AUTS2: variants seen among roughly 807,000 people sequenced by gnomAD.
The protein encoded by AUTS2 is autism susceptibility gene 2 protein.
A neutral mutation model predicts 112.4 loss-of-function variants in AUTS2; 17 were observed. The observed-to-expected ratio is 0.15, with a 90% confidence interval of 0.10 to 0.23. AUTS2 has a LOEUF of 0.23. Among genes scored for constraint, AUTS2 ranks in the 10% least tolerant of loss-of-function variants. The pLI is 1.00. For synonymous variants in AUTS2, 751 were observed against 702.7 expected (o/e 1.07, Z -1.09); for missense variants, 1,510 against 1,701.6 (o/e 0.89, Z 1.98).
intron 1 of AUTS2, among the ~76,000 whole-genome samples, chr7:69,613,608 A>C (rs1420126547): frequency 6.6e-6 from 1 of 152,224 alleles, no homozygotes; most frequent in African/African-American, 2.4e-5. Context: ...TCTCTGGAAC[A>C]CAAATGTAAA....
chr7:70,551,784 TA>T (rs1234022746), intron 5 of AUTS2, among the ~76,000 whole-genome samples: 5 of 152,318 alleles, frequency 3.3e-5, no homozygotes, highest in African/African-American at 9.6e-5. Flanking sequence ...GATTTAGTAA[TA>T]GGGGACACTG....
intron 4 of AUTS2, among the ~76,000 whole-genome samples, chr7:70,262,869 G>T (rs1322185039): frequency 6.6e-6 from 1 of 152,112 alleles, no homozygotes; most frequent in African/African-American, 2.4e-5. Flanking sequence ...GTCACCAAGG[G>T]CCTGGATATG....
Position 70,766,181 on chromosome 7 carries a change from T to C in AUTS2, c.1536T>C (p.Ala512=), listed in dbSNP as rs1789928184. Residue 512 remains alanine (A), a synonymous_variant, in exon 9 of 19, where the codon GCT becomes GCC. Transcript: ENST00000342771. The surrounding 1 kb of genome is among the most constrained non-coding windows in gnomAD (Gnocchi z 4.8). ...CCTCTCAGAGTGCTGACCGCGGGGC[T>C]TCCCTGGGCCCTCCGCCCTACCTGC... is the stretch of plus-strand genomic sequence containing the variant. ...FLASQSADRG[A]SLGPPPYLRT... 6.2e-7 allele frequency: 1 copy of C among 1,614,160 alleles called. No homozygotes were observed. The highest frequency in any genetic ancestry group is 1.1e-5 in the South Asian group (1 of 91,080).
intron 5 of AUTS2, among the ~76,000 whole-genome samples, chr7:70,484,870 CAT>C (rs1429119488): frequency 6.6e-5 from 10 of 152,208 alleles, no homozygotes; most frequent in African/African-American, 1.7e-4. Context: ...AGCCAATAAA[CAT>C]ATGAAAAAAT....
At chr7:70,473,034 T>G (rs567156434) in intron 5 of AUTS2, among the ~76,000 whole-genome samples, 19 of 152,198 alleles carry the variant, frequency 1.2e-4, no homozygotes, top group Non-Finnish European at 2.4e-4. Flanking sequence ...AGTCTGATCT[T>G]TCATTTTCCC....
At chr7:70,777,356 TCTCA>T (rs1262397918) in intron 14 of AUTS2, 182 bp downstream of exon 14, 11 of 622,806 alleles carry the variant, frequency 1.8e-5, no homozygotes, top group Non-Finnish European at 2.0e-5. Flanking sequence ...AGAGTCAGGG[TCTCA>T]CTCTGTTGCC....
At chr7:69,906,800 C>A (rs1389314966) in intron 2 of AUTS2, among the ~76,000 whole-genome samples, 1 of 152,106 alleles carries the variant, frequency 6.6e-6, no homozygotes, top group Non-Finnish European at 1.5e-5. Context: ...ACACCTTGCC[C>A]AAAGGGTCAA....
At chr7:70,029,190 T>A (rs1265965766) in intron 2 of AUTS2, among the ~76,000 whole-genome samples, 1 of 152,056 alleles carries the variant, frequency 6.6e-6, no homozygotes, top group Admixed American at 6.6e-5. Context: ...TGGGTTGTTT[T>A]AAGAGTTAAA....
intron 1 of AUTS2, among the ~76,000 whole-genome samples, chr7:69,636,711 C>CT (rs1405991906): frequency 1.3e-5 from 2 of 151,798 alleles, no homozygotes; most frequent in East Asian, 3.9e-4. Context: ...TTGTAGTATG[C>CT]TTTTTTTTCC....
At chr7:70,082,058 G>A (rs1343257640) in intron 2 of AUTS2, among the ~76,000 whole-genome samples, 1 of 151,796 alleles carries the variant, frequency 6.6e-6, no homozygotes, top group East Asian at 1.9e-4. Flanking sequence ...CTGGTTCTGT[G>A]TTGTGTGTTT....
intron 6 of AUTS2, among the ~76,000 whole-genome samples, chr7:70,724,538 T>G (rs1301898447): frequency 7.0e-6 from 1 of 143,466 alleles, no homozygotes; most frequent in Non-Finnish European, 1.5e-5. Context: ...CTCCACCTCC[T>G]CGGTTCACAC....
intron 1 of AUTS2, among the ~76,000 whole-genome samples, chr7:69,794,418 A>G (rs1263553193): frequency 1.3e-5 from 2 of 152,190 alleles, no homozygotes; most frequent in South Asian, 2.1e-4. Context: ...ATTGCTGGGA[A>G]TACTGGGGGC....
At chr7:69,677,070 T>C (rs1330679072) in intron 1 of AUTS2, among the ~76,000 whole-genome samples, 1 of 152,204 alleles carries the variant, frequency 6.6e-6, no homozygotes, top group Non-Finnish European at 1.5e-5. Context: ...TATTTGGATG[T>C]CTTGTTAAAT....
intron 1 of AUTS2, chr7:69,643,173 A>G (rs964396459): frequency 5.3e-5 from 8 of 152,274 alleles, no homozygotes; most frequent in Admixed American, 4.6e-4. Context: ...CTTCCCTAAC[A>G]TGGCTGCTGG....
intron 4 of AUTS2, among the ~76,000 whole-genome samples, chr7:70,302,882 G>A (rs1294582623): frequency 6.6e-6 from 1 of 151,122 alleles, no homozygotes; most frequent in Non-Finnish European, 1.5e-5. Context: ...TATCTGCATG[G>A]CATTCTTTTT....
At chr7:70,667,529 C>G (rs1281895692) in intron 5 of AUTS2, among the ~76,000 whole-genome samples, 1 of 152,152 alleles carries the variant, frequency 6.6e-6, no homozygotes. Flanking sequence ...GAAGAAAATC[C>G]AAGTAAGCTT....
chr7:70,688,846 C>T (rs1808601687), intron 5 of AUTS2, among the ~76,000 whole-genome samples: 1 of 152,164 alleles, frequency 6.6e-6, no homozygotes, highest in Admixed American at 6.5e-5. Flanking sequence ...CATGCTTCTG[C>T]ACCAGTAAGA....
At chr7:69,990,752 A>C (rs963919358) in intron 2 of AUTS2, among the ~76,000 whole-genome samples, 3 of 152,154 alleles carry the variant, frequency 2.0e-5, no homozygotes, top group Admixed American at 6.5e-5. Context: ...CTTTTGACAG[A>C]AGTGTTTTGG....
chr7:70,480,699 A>C lies in AUTS2; in HGVS notation c.690+44918A>C, dbSNP rs141555399. Among the ~76,000 whole-genome samples the C allele has an allele frequency of 1.4e-3, 214 of 152,318 alleles. 1 individual carries two copies. Among genetic ancestry groups the C allele is most frequent in the African/African-American group, 4.9e-3 (203 of 41,574 alleles). On this transcript the variant is annotated intron_variant, in intron 5 of 18. Transcript: ENST00000342771. ...CCTTTGTACCTGTGTGGCAGGAGACAGGAAGGATGTGTGGTGGAAACTCCA... is the reference window on the plus strand; with the variant it reads ...CCTTTGTACCTGTGTGGCAGGAGACCGGAAGGATGTGTGGTGGAAACTCCA...
Sources: allele counts gnomAD v4.1 joint callset (sites outside exome capture counted in the v4.1 genomes callset), GRCh38; gene constraint gnomAD v4.1.1; non-coding constraint Gnocchi (gnomAD v3.1); transcripts MANE v1.5; gene names NCBI Gene and HGNC (gene_info 2026-07-23, HGNC 2026-07-21).